Variants in CNNM2 observed in about 807,000 individuals in gnomAD.
CNNM2 encodes metal transporter CNNM2.
A neutral mutation model predicts 66.9 loss-of-function variants in CNNM2; 12 were observed. That is an observed-to-expected ratio of 0.18 (90% CI 0.11 to 0.29). CNNM2 has a LOEUF of 0.29. CNNM2 is among the 10% of genes least tolerant of loss of function. CNNM2 has a pLI of 1.00. For synonymous variants in CNNM2, 557 were observed against 501.8 expected (o/e 1.11, Z -1.47); for missense variants, 705 against 1,167.7 (o/e 0.60, Z 5.77).
intron 4 of CNNM2, among the ~76,000 whole-genome samples, chr10:103,064,761 G>A (rs992550504): frequency 2.0e-5 from 3 of 152,170 alleles, no homozygotes; most frequent in African/African-American, 7.2e-5. Flanking sequence ...TGTTGCTTGA[G>A]CTCAGGAGTT....
chr10:102,927,557 C>G, intron 1 of CNNM2: 1 of 1,146,390 alleles, frequency 8.7e-7, no homozygotes, highest in Non-Finnish European at 1.2e-6. Flanking sequence ...GTCAGGAGTT[C>G]CAGACTGACA....
rs1234787055 is a variant in CNNM2 at position 103,089,674 on chromosome 10, A to ATTC, written c.*12498_*12500dup. 6.3e-7 allele frequency: 1 copy of ATTC among 1,594,848 alleles called. No homozygotes were observed. Among genetic ancestry groups the ATTC allele is most frequent in the African/African-American group, 1.3e-5 (1 of 74,090 alleles). On this transcript the variant is annotated 3_prime_UTR_variant, in exon 8 of 8. Coordinates refer to ENST00000369878, the MANE Select transcript of CNNM2 (RefSeq NM_017649.5). ...GCTTGGGGTTTTGGTTTTCCTCCTT[A>ATTC]TTCTTCCTCCTCCTCCTCCTCTTCA...
chr10:102,920,028 A>G lies in CNNM2; in HGVS notation c.1548A>G (p.Lys516=). ...GTACCCCCCTGAAAACCATCACCAA[A>G]TTTTATAACCACCCCTTGCACTTTG... ...DDCTPLKTIT[K]FYNHPLHFVF... The change falls in exon 1 of 8, where the codon AAA becomes AAG. Residue 516 remains lysine, a synonymous_variant. Coordinates refer to ENST00000369878, the MANE Select transcript of CNNM2 (RefSeq NM_017649.5). 4 of 1,614,154 alleles carry G rather than the reference A, an allele frequency of 2.5e-6. No homozygotes were observed. The highest frequency in any genetic ancestry group is 3.4e-6 in the Non-Finnish European group (4 of 1,180,026).
At chr10:102,973,474 C>CT (rs2063576810) in intron 1 of CNNM2, among the ~76,000 whole-genome samples, 1 of 151,582 alleles carries the variant, frequency 6.6e-6, no homozygotes, top group South Asian at 2.1e-4. Flanking sequence ...CTAAAATACA[C>CT]TAAAACATGC....
intron 1 of CNNM2, among the ~76,000 whole-genome samples, chr10:102,960,926 T>C (rs911424166): frequency 6.7e-6 from 1 of 149,710 alleles, no homozygotes; most frequent in African/African-American, 2.5e-5. Flanking sequence ...AGAGTTTCGC[T>C]CTTGTTGTCC....
At chr10:103,023,299 C>T (rs995475471) in intron 1 of CNNM2, among the ~76,000 whole-genome samples, 4 of 152,144 alleles carry the variant, frequency 2.6e-5, no homozygotes, top group African/African-American at 9.7e-5. Flanking sequence ...TGCCTATAAT[C>T]CCAACACTTT....
intron 2 of CNNM2, among the ~76,000 whole-genome samples, chr10:103,052,242 C>T (rs2065226313): frequency 1.3e-5 from 2 of 149,740 alleles, no homozygotes; most frequent in Admixed American, 1.3e-4. Flanking sequence ...GATCGCACCA[C>T]TGCACTCCAG....
Position 103,082,378 on chromosome 10 carries a change from G to A in CNNM2, c.*5198G>A, listed in dbSNP as rs1211085747. On this transcript the variant is annotated 3_prime_UTR_variant, in exon 8 of 8. Coordinates refer to ENST00000369878, the MANE Select transcript of CNNM2 (RefSeq NM_017649.5). ...TGGAGGCTCAGACTTCTAGAGCAGAGCAAAGTTGGGAAGAATGAGGTCTTA... is the reference window on the plus strand; with the variant it reads ...TGGAGGCTCAGACTTCTAGAGCAGAACAAAGTTGGGAAGAATGAGGTCTTA... 1.3e-5 allele frequency: 2 copies of A among 152,190 alleles called. No homozygotes were observed. 9.4% of individuals were successfully genotyped at this position (152,190 alleles called of 1,614,324 possible). A position where few individuals can be genotyped will look rare whatever the true frequency, so the allele number is the denominator to read the frequency against.
intron 4 of CNNM2, among the ~76,000 whole-genome samples, chr10:103,065,296 T>C (rs1054673361): frequency 3.9e-5 from 6 of 152,178 alleles, no homozygotes; most frequent in Non-Finnish European, 5.9e-5. Context: ...CGGAAATCTT[T>C]TTAAATAAAA....
chr10:103,036,229 G>GGTCATT (rs2064935787), intron 1 of CNNM2, among the ~76,000 whole-genome samples: 1 of 152,170 alleles, frequency 6.6e-6, no homozygotes, highest in African/African-American at 2.4e-5. Flanking sequence ...TGATAGGACA[G>GGTCATT]GTCATTAGGA....
chr10:103,054,921 CAG>C lies in CNNM2; in HGVS notation c.1903+456_1903+457del, dbSNP rs1412294650. Among the ~76,000 whole-genome samples the C allele has an allele frequency of 7.2e-5, 11 of 152,212 alleles. No homozygotes were observed. Among genetic ancestry groups the C allele is most frequent in the Non-Finnish European group, 1.6e-4 (11 of 68,036 alleles). ...GCACAGTTGGACATCAGTGGTAACA[CAG>C]GGGCTGTGATTTGCAAAGAAGAAAA... is the stretch of plus-strand genomic sequence containing the variant. On this transcript the variant is annotated intron_variant, in intron 3 of 7. Transcript: ENST00000369878. This position sits in a 1 kb window ranked among gnomAD's most constrained non-coding sequence, Gnocchi z 5.2.
intron 1 of CNNM2, among the ~76,000 whole-genome samples, chr10:103,043,314 T>C (rs531408006): frequency 6.6e-6 from 1 of 152,330 alleles, no homozygotes; most frequent in East Asian, 1.9e-4. Context: ...ACGTTGTTCC[T>C]AATTCCCTTC....
intron 1 of CNNM2, among the ~76,000 whole-genome samples, chr10:103,023,735 A>G (rs1185990106): frequency 6.6e-6 from 1 of 152,192 alleles, no homozygotes; most frequent in Non-Finnish European, 1.5e-5. Flanking sequence ...CCATTAAACA[A>G]CAAAGTCAGC....
intron 4 of CNNM2, among the ~76,000 whole-genome samples, chr10:103,058,415 C>T (rs1332674703): frequency 6.6e-6 from 1 of 152,110 alleles, no homozygotes; most frequent in African/African-American, 2.4e-5. Context: ...GGAATATTGA[C>T]ATTGTGAATT....
rs918238311 is a variant in CNNM2 at position 103,089,400 on chromosome 10, A to G, written c.*12220A>G. Reference sequence around the variant, plus strand: ...GATGATTTTAAAAGTGTCACAAGCCACAGTGGAGCCATATACATGCAGTTC... The same window carrying G: ...GATGATTTTAAAAGTGTCACAAGCCGCAGTGGAGCCATATACATGCAGTTC... On this transcript the variant is annotated 3_prime_UTR_variant, in exon 8 of 8. Transcript: ENST00000369878. The G allele has an allele frequency of 3.0e-6, 1 of 337,508 alleles. No individual in the cohort carries two copies. The highest frequency in any genetic ancestry group is 5.3e-6 in the Non-Finnish European group (1 of 188,906). The allele number at this position is 337,508 out of a possible 1,614,324, so 20.9% of individuals were successfully genotyped here.
At chr10:102,991,096 C>T (rs1228522487) in intron 1 of CNNM2, among the ~76,000 whole-genome samples, 1 of 152,184 alleles carries the variant, frequency 6.6e-6, no homozygotes, top group Non-Finnish European at 1.5e-5. Flanking sequence ...AAGCAATTCT[C>T]CTGCCTCAGC....
chr10:102,986,013 G>T (rs575525090), intron 1 of CNNM2, among the ~76,000 whole-genome samples: 1 of 152,114 alleles, frequency 6.6e-6, no homozygotes, highest in Non-Finnish European at 1.5e-5. Context: ...TGCTTGCCCT[G>T]ATGTACCTGT....
chr10:103,067,296 G>A (rs2065495504), intron 4 of CNNM2, among the ~76,000 whole-genome samples: 1 of 151,894 alleles, frequency 6.6e-6, no homozygotes, highest in Non-Finnish European at 1.5e-5. Context: ...TTGAACTCCT[G>A]GGCTCAAGCA....
rs533546343 is a variant in CNNM2 at position 102,949,347 on chromosome 10, G to A, written c.1621+29246G>A. Among the ~76,000 whole-genome samples, 4 of 151,828 alleles carry A rather than the reference G, an allele frequency of 2.6e-5. No homozygotes were observed. The East Asian group carries it at 8.0e-4, about 30-fold the overall frequency. On this transcript the variant is annotated intron_variant, in intron 1 of 7. Coordinates refer to ENST00000369878, the MANE Select transcript of CNNM2 (RefSeq NM_017649.5). ...CATGCCACCACGCCTGGCTAATTTT[G>A]TATTTTTAGTAGAGAAGGGGTTTCT...
Sources: gnomAD v4.1 joint callset for allele counts (sites outside exome capture counted in the v4.1 genomes callset) on GRCh38, gnomAD v4.1.1 for gene constraint, Gnocchi (gnomAD v3.1) non-coding constraint, MANE v1.5 for transcripts, NCBI Gene and HGNC (gene_info 2026-07-23, HGNC 2026-07-21) for gene names.